NCAM2: variants seen among roughly 807,000 people sequenced by gnomAD.
NCAM2 encodes N-CAM-2.
Under a neutral mutation model 98.1 loss-of-function variants are expected in NCAM2, and 30 were observed. The ratio of observed to expected loss-of-function variants is 0.31; its 90% CI spans 0.23 to 0.41. NCAM2 has a LOEUF of 0.41. NCAM2 is among the 10% of genes least tolerant of loss of function. The pLI is 1.00. For missense variants in NCAM2, 867 were observed against 1,005.8 expected (o/e 0.86, Z 1.87); for synonymous variants, 368 against 342.4 (o/e 1.07, Z -0.83).
intron 16 of NCAM2, among the ~76,000 whole-genome samples, chr21:21,532,958 C>A (rs1341393846): frequency 1.3e-5 from 2 of 152,024 alleles, no homozygotes. Flanking sequence ...TTATTCACTT[C>A]TAGATTTCTT....
chr21:21,195,030 T>C (rs1485571353), intron 1 of NCAM2, among the ~76,000 whole-genome samples: 1 of 152,196 alleles, frequency 6.6e-6, no homozygotes, highest in Non-Finnish European at 1.5e-5. Flanking sequence ...TGTCCAGTTT[T>C]CTCTGTGAAA....
At chr21:21,458,432 G>A (rs573159207) in intron 12 of NCAM2, among the ~76,000 whole-genome samples, 1 of 152,240 alleles carries the variant, frequency 6.6e-6, no homozygotes, top group Non-Finnish European at 1.5e-5. Context: ...GAGAACTGGT[G>A]TAGGAGTGGG....
At chr21:21,354,149 T>C (rs2075411502) in intron 8 of NCAM2, among the ~76,000 whole-genome samples, 3 of 152,188 alleles carry the variant, frequency 2.0e-5, no homozygotes, top group Admixed American at 1.3e-4. Flanking sequence ...ACATCTCCCT[T>C]GTATCATTTA....
chr21:21,170,012 C>A (rs1363279318), intron 1 of NCAM2, among the ~76,000 whole-genome samples: 1 of 152,052 alleles, frequency 6.6e-6, no homozygotes, highest in Non-Finnish European at 1.5e-5. Context: ...AGATATTCAA[C>A]ATTATATGTC....
At chr21:21,102,201 A>G (rs747761365) in intron 1 of NCAM2, among the ~76,000 whole-genome samples, 3 of 152,100 alleles carry the variant, frequency 2.0e-5, no homozygotes, top group Non-Finnish European at 2.9e-5. Flanking sequence ...TTACTGCGTC[A>G]TAGCCTCAAC....
At chr21:21,248,776 C>CAAAAAAA (rs1171857115) in intron 1 of NCAM2, among the ~76,000 whole-genome samples, 7 of 50,680 alleles carry the variant, frequency 1.4e-4, no homozygotes, top group African/African-American at 1.7e-4. Context: ...GACTCTGTCT[C>CAAAAAAA]AAAAAAAAAA....
At chr21:21,291,146 T>C (rs896276382) in intron 4 of NCAM2, among the ~76,000 whole-genome samples, 2 of 151,196 alleles carry the variant, frequency 1.3e-5, no homozygotes, top group Admixed American at 6.6e-5. Flanking sequence ...AGAGGCGGGG[T>C]GTCTCTTATT....
chr21:21,518,141 G>A (rs1032962513), intron 16 of NCAM2, among the ~76,000 whole-genome samples: 2 of 152,098 alleles, frequency 1.3e-5, no homozygotes, highest in African/African-American at 2.4e-5. Flanking sequence ...ATGCATCAGG[G>A]TTAGAAATAC....
intron 1 of NCAM2, among the ~76,000 whole-genome samples, chr21:21,278,476 G>A (rs1483970484): frequency 6.6e-6 from 1 of 152,236 alleles, no homozygotes; most frequent in East Asian, 1.9e-4. Flanking sequence ...AAGAAAAGTA[G>A]GCAAGGGAGA....
intron 1 of NCAM2, among the ~76,000 whole-genome samples, chr21:21,047,841 AGGTCTGGGAAG>A (rs2065031268): frequency 6.6e-6 from 1 of 152,098 alleles, no homozygotes; most frequent in Non-Finnish European, 1.5e-5. Flanking sequence ...CCTCCTTAAG[AGGTCTGGGAAG>A]TCATGTCCTA....
intron 9 of NCAM2, among the ~76,000 whole-genome samples, chr21:21,384,718 G>A (rs113221622): frequency 3.9e-5 from 6 of 152,024 alleles, no homozygotes; most frequent in South Asian, 2.1e-4. Flanking sequence ...AGATGAACAC[G>A]ATGATAGAAA....
At chr21:21,328,961 T>A (rs1568939484) in intron 6 of NCAM2, among the ~76,000 whole-genome samples, 1 of 150,930 alleles carries the variant, frequency 6.6e-6, no homozygotes, top group South Asian at 2.1e-4. Context: ...TTAATTTTTT[T>A]TTTTTTTTTT....
chr21:21,504,736 TAC>T (rs1190036224), intron 15 of NCAM2, among the ~76,000 whole-genome samples: 1 of 151,694 alleles, frequency 6.6e-6, no homozygotes, highest in Non-Finnish European at 1.5e-5. Context: ...AATATGTATA[TAC>T]ATACATAGAA....
At chr21:21,165,509 A>T (rs978934592) in intron 1 of NCAM2, among the ~76,000 whole-genome samples, 1 of 152,160 alleles carries the variant, frequency 6.6e-6, no homozygotes, top group Non-Finnish European at 1.5e-5. Flanking sequence ...GGCCTCAAGC[A>T]TACATAACCA....
chr21:21,161,419 G>T (rs573037112), intron 1 of NCAM2, among the ~76,000 whole-genome samples: 92 of 151,430 alleles, frequency 6.1e-4, no homozygotes, highest in African/African-American at 2.1e-3. Context: ...TTAAGCAATT[G>T]TGTGGTAGGG....
chr21:21,365,063 T>C (rs1267458371), intron 8 of NCAM2, among the ~76,000 whole-genome samples: 1 of 152,086 alleles, frequency 6.6e-6, no homozygotes, highest in Non-Finnish European at 1.5e-5. Flanking sequence ...TTGTTTTCCC[T>C]GTTAGGAGAC....
intron 1 of NCAM2, among the ~76,000 whole-genome samples, chr21:21,255,153 G>A (rs1440004632): frequency 2.0e-5 from 3 of 152,120 alleles, no homozygotes; most frequent in Non-Finnish European, 4.4e-5. Flanking sequence ...GGTTGGGATC[G>A]TAGTAGCCCT....
chr21:21,378,530 G>C (rs2076082959), intron 9 of NCAM2, among the ~76,000 whole-genome samples: 1 of 151,932 alleles, frequency 6.6e-6, no homozygotes, highest in Non-Finnish European at 1.5e-5. Flanking sequence ...TTGTTTTCTT[G>C]ATATTGATTT....
intron 1 of NCAM2, among the ~76,000 whole-genome samples, chr21:21,006,118 C>T (rs2064108821): frequency 1.3e-5 from 2 of 152,108 alleles, no homozygotes; most frequent in South Asian, 2.1e-4. Context: ...AGATATGATT[C>T]GGTCTTTTTT....
Sources: gnomAD v4.1 joint callset for allele counts (sites outside exome capture counted in the v4.1 genomes callset) on GRCh38, gnomAD v4.1.1 for gene constraint, MANE v1.5 for transcripts, NCBI Gene and HGNC (gene_info 2026-07-23, HGNC 2026-07-21) for gene names.